The following ATCAY variants were observed in gnomAD, a reference collection of about 807,000 sequenced individuals.
ATCAY encodes the protein ATCAY kinesin light chain interacting caytaxin, also known as caytaxin.
ATCAY carries 22 observed loss-of-function variants against 47.7 expected under a neutral mutation model. The ratio of observed to expected loss-of-function variants is 0.46; its 90% CI spans 0.33 to 0.66. The LOEUF (loss-of-function observed/expected upper bound fraction) is 0.66, where lower values mean the gene tolerates loss of function less well. Among genes scored for constraint, ATCAY ranks in the 30% least tolerant of loss-of-function variants. The pLI is 0.02. For synonymous variants in ATCAY, 216 were observed against 207.6 expected (o/e 1.04, Z -0.35); for missense variants, 452 against 515.0 (o/e 0.88, Z 1.18).
intron 12 of ATCAY, chr19:3,922,355 C>T (rs534181750): frequency 2.7e-5 from 17 of 619,988 alleles, no homozygotes; most frequent in Admixed American, 1.3e-4. Flanking sequence ...ATAATCCTGG[C>T]GGAAGCCACC....
intron 2 of ATCAY, among the ~76,000 whole-genome samples, chr19:3,887,771 C>A (rs1385215352): frequency 6.7e-6 from 1 of 149,174 alleles, no homozygotes; most frequent in Non-Finnish European, 1.5e-5. Flanking sequence ...CAGGCGTGAG[C>A]CATCGCGCCC....
intron 11 of ATCAY, 69 bp from the exon 12 acceptor site, chr19:3,920,697 A>G: frequency 7.2e-7 from 1 of 1,392,030 alleles, no homozygotes. Context: ...AGTTAAAGAA[A>G]AAAAAGGGAA....
chr19:3,892,025 G>A (rs1239036876), intron 2 of ATCAY, among the ~76,000 whole-genome samples: 1 of 151,936 alleles, frequency 6.6e-6, no homozygotes, highest in Middle Eastern at 3.2e-3. Flanking sequence ...AAATAGCTGA[G>A]TTTACAGGCG....
chr19:3,924,324 G>T (rs1356538821), intron 12 of ATCAY, among the ~76,000 whole-genome samples: 1 of 152,066 alleles, frequency 6.6e-6, no homozygotes, highest in Non-Finnish European at 1.5e-5. Flanking sequence ...TGGGGGGTGG[G>T]TTGAAGCCTC....
At chr19:3,887,738 G>A (rs550645641) in intron 2 of ATCAY, among the ~76,000 whole-genome samples, 49 of 150,154 alleles carry the variant, frequency 3.3e-4, no homozygotes, top group South Asian at 8.4e-4. Context: ...CGCCCACCTC[G>A]GCCTCCCAAA....
intron 11 of ATCAY, 139 bp downstream of exon 11, chr19:3,919,016 G>T (rs138876505): frequency 0.011 from 11,689 of 1,030,656 alleles, 138 homozygotes; most frequent in Admixed American, 0.046. Flanking sequence ...GGTGGCTCAC[G>T]CCTGTAATCC....
chr19:3,917,854 C>A, intron 10 of ATCAY, 77 bp downstream of exon 10: 4 of 1,525,796 alleles, frequency 2.6e-6, no homozygotes, highest in Non-Finnish European at 2.7e-6. Flanking sequence ...TAGGGCAACC[C>A]GGTGACTTCT....
chr19:3,883,464 A>G (rs150019508), intron 1 of ATCAY, among the ~76,000 whole-genome samples: 238 of 152,338 alleles, frequency 1.6e-3, no homozygotes, highest in African/African-American at 5.4e-3. Context: ...CAGGCCTGAA[A>G]TCCTTTCGCA....
chr19:3,904,654 A>ATG (rs1568448159), intron 3 of ATCAY, among the ~76,000 whole-genome samples: 2 of 151,796 alleles, frequency 1.3e-5, no homozygotes, highest in African/African-American at 4.8e-5. Context: ...ACACACACAC[A>ATG]CACACGTCCT....
chr19:3,919,341 C>A (rs1035091486), intron 11 of ATCAY, among the ~76,000 whole-genome samples: 1 of 151,668 alleles, frequency 6.6e-6, no homozygotes, highest in South Asian at 2.1e-4. Context: ...CGCCTGTAAT[C>A]CCAGTAGTTT....
chr19:3,882,320 T>C (rs2038609310), intron 1 of ATCAY, among the ~76,000 whole-genome samples: 1 of 151,834 alleles, frequency 6.6e-6, no homozygotes, highest in Non-Finnish European at 1.5e-5. Flanking sequence ...CCAGATGCTT[T>C]ATCTTTTATT....
chr19:3,888,224 C>G (rs922736918), intron 2 of ATCAY, among the ~76,000 whole-genome samples: 1 of 152,080 alleles, frequency 6.6e-6, no homozygotes, highest in Non-Finnish European at 1.5e-5. Context: ...CCTTTCAGAA[C>G]CAGGAATTCA....
At chr19:3,896,267 C>CTTT (rs71166934) in intron 2 of ATCAY, among the ~76,000 whole-genome samples, 3 of 141,170 alleles carry the variant, frequency 2.1e-5, no homozygotes, top group East Asian at 2.1e-4. Context: ...AATCACATCC[C>CTTT]TTTTTTTTTT....
intron 8 of ATCAY, among the ~76,000 whole-genome samples, chr19:3,912,575 G>A (rs1327850235): frequency 1.3e-5 from 2 of 151,998 alleles, no homozygotes; most frequent in Non-Finnish European, 2.9e-5. Flanking sequence ...CTCCCAAAGT[G>A]AAAAAAATTT....
chr19:3,922,920 AT>A (rs1327608965), intron 12 of ATCAY, among the ~76,000 whole-genome samples: 1 of 151,728 alleles, frequency 6.6e-6, no homozygotes, highest in African/African-American at 2.4e-5. Context: ...AATTTTTTGT[AT>A]TTTTTAGTAG....
At chr19:3,910,560 A>G (rs772860299) in intron 7 of ATCAY, among the ~76,000 whole-genome samples, 17 of 152,132 alleles carry the variant, frequency 1.1e-4, no homozygotes, top group Non-Finnish European at 1.9e-4. Flanking sequence ...CCTGCTCTGC[A>G]CCATGGGGTC....
At position 3,924,754 on chromosome 19, in the gene ATCAY, A is replaced by C. The variant is rs1599151516; in HGVS notation, c.*162A>C. ...ATCTCTGAAACCCAGCATCCTTTTC[A>C]GCTGCTTGAAAACATTGTATTTTTT... is the stretch of plus-strand genomic sequence containing the variant. On this transcript the variant is annotated 3_prime_UTR_variant, in exon 13 of 13. Coordinates refer to ENST00000450849, the MANE Select transcript of ATCAY (RefSeq NM_033064.5). 2.9e-6 allele frequency: 2 copies of C among 686,520 alleles called. No individual in the cohort carries two copies. Among genetic ancestry groups the C allele is most frequent in the Non-Finnish European group, 2.4e-6 (1 of 416,494 alleles). 42.5% of individuals were successfully genotyped at this position (686,520 alleles called of 1,614,324 possible). A position where few individuals can be genotyped will look rare whatever the true frequency, so the allele number is the denominator to read the frequency against.
intron 9 of ATCAY, among the ~76,000 whole-genome samples, chr19:3,915,224 G>C (rs2038956493): frequency 2.0e-5 from 3 of 151,882 alleles, no homozygotes; most frequent in Admixed American, 2.0e-4. Flanking sequence ...CCAGGCTGGA[G>C]TGCAATGGCG....
At chr19:3,910,983 G>A in intron 8 of ATCAY, 94 bp downstream of exon 8, 3 of 1,320,286 alleles carry the variant, frequency 2.3e-6, no homozygotes, top group East Asian at 2.3e-5. Context: ...GTGTGCACGT[G>A]TGTGCGTGTG....
Sources: gnomAD v4.1 joint callset for allele counts (sites outside exome capture counted in the v4.1 genomes callset) on GRCh38, gnomAD v4.1.1 for gene constraint, MANE v1.5 for transcripts, NCBI Gene and HGNC (gene_info 2026-07-23, HGNC 2026-07-21) for gene names.